PDE1C: variants seen among roughly 807,000 people sequenced by gnomAD.
PDE1C encodes phosphodiesterase 1C, also known as dual specificity calcium/calmodulin-dependent 3',5'-cyclic nucleotide phosphodiesterase 1C.
PDE1C carries 62 observed loss-of-function variants against 93.1 expected under a neutral mutation model. The observed-to-expected ratio is 0.67, with a 90% confidence interval of 0.54 to 0.82. The LOEUF (loss-of-function observed/expected upper bound fraction) is 0.82. Ranked by LOEUF, PDE1C falls within the 40% of genes least tolerant of loss-of-function variation. PDE1C has a pLI of 0.00. For missense variants in PDE1C, 742 were observed against 884.6 expected (o/e 0.84, Z 2.04); for synonymous variants, 325 against 310.1 (o/e 1.05, Z -0.50).
chr7:32,247,537 GTCC>G (rs1809055223), intron 1 of PDE1C, among the ~76,000 whole-genome samples: 1 of 152,224 alleles, frequency 6.6e-6, no homozygotes, highest in South Asian at 2.1e-4. Flanking sequence ...AGTAGAGACA[GTCC>G]CCAACTTATA....
the PDE1C span, chr7:31,651,853 G>C: frequency 1.1e-6 from 1 of 888,020 alleles, no homozygotes. Context: ...AATTGCAAAG[G>C]AAGAACCTAT....
At chr7:31,988,766 AC>A (rs1234894176) in intron 2 of PDE1C, among the ~76,000 whole-genome samples, 21 of 152,038 alleles carry the variant, frequency 1.4e-4, no homozygotes, top group Admixed American at 1.4e-3. Flanking sequence ...GGAGGGTGAG[AC>A]GGGCGGATCA....
chr7:32,157,719 T>C (rs147791462), intron 3 of PDE1C, among the ~76,000 whole-genome samples: 22 of 152,314 alleles, frequency 1.4e-4, no homozygotes, highest in African/African-American at 5.1e-4. Flanking sequence ...AAGGTCATGA[T>C]GTCTACAATT....
intron 1 of PDE1C, among the ~76,000 whole-genome samples, chr7:32,308,452 C>G (rs990580895): frequency 7.2e-5 from 11 of 152,356 alleles, no homozygotes; most frequent in Admixed American, 3.3e-4. Context: ...GGTCCTTGAC[C>G]CCTGAGCAGC....
rs538381100 is a variant in PDE1C at position 32,115,891 on chromosome 7, C to A, written c.308+53894G>T. Among the ~76,000 whole-genome samples, 4 of 152,216 alleles carry A rather than the reference C, an allele frequency of 2.6e-5. No individual in the cohort carries two copies. In the East Asian group the frequency reaches 5.8e-4, roughly 22 times the overall value. ...GAATTCTACCCCCAGTGAGACTTTG[C>A]CCAGGGGAAAGATGTGACTTGTCAG... On this transcript the variant is annotated intron_variant, in intron 3 of 18. Transcript: ENST00000396193.
At chr7:32,051,864 A>T (rs1793426398) in intron 1 of PDE1C, among the ~76,000 whole-genome samples, 1 of 152,132 alleles carries the variant, frequency 6.6e-6, no homozygotes, top group African/African-American at 2.4e-5. Context: ...ATGGCATTTT[A>T]GTTGAGGTCA....
At chr7:32,400,486 G>C (rs138647332) in intron 1 of PDE1C, among the ~76,000 whole-genome samples, 78 of 152,312 alleles carry the variant, frequency 5.1e-4, no homozygotes, top group African/African-American at 1.9e-3. Flanking sequence ...TGGCTGTTAA[G>C]AGTTACAATG....
chr7:32,011,014 A>C (rs942188283), intron 2 of PDE1C, among the ~76,000 whole-genome samples: 1 of 152,170 alleles, frequency 6.6e-6, no homozygotes, highest in Non-Finnish European at 1.5e-5. Context: ...TCCATACAAA[A>C]AAAGAAACTA....
At chr7:31,933,645 G>A (rs1427244895) in intron 2 of PDE1C, among the ~76,000 whole-genome samples, 1 of 152,132 alleles carries the variant, frequency 6.6e-6, no homozygotes, top group Non-Finnish European at 1.5e-5. Context: ...GGGACTGGTG[G>A]GAGGTGTTTG....
chr7:31,756,257 C>T (rs529659380), intron 17 of PDE1C, among the ~76,000 whole-genome samples: 1 of 152,206 alleles, frequency 6.6e-6, no homozygotes, highest in East Asian at 1.9e-4. Context: ...AAGGTTGACA[C>T]CAGTGGCATG....
At chr7:32,212,870 G>A (rs750940662) in intron 1 of PDE1C, among the ~76,000 whole-genome samples, 5 of 152,052 alleles carry the variant, frequency 3.3e-5, no homozygotes, top group Admixed American at 6.5e-5. Context: ...CAGAACCACC[G>A]AGCAGGTTTC....
intron 2 of PDE1C, among the ~76,000 whole-genome samples, chr7:32,032,529 G>A (rs1048645504): frequency 6.6e-6 from 1 of 152,166 alleles, no homozygotes. Context: ...TTCCCAAAAG[G>A]CACATGTAAA....
At chr7:31,772,605 G>A (rs530438009) in intron 17 of PDE1C, among the ~76,000 whole-genome samples, 84 of 151,664 alleles carry the variant, frequency 5.5e-4, no homozygotes, top group African/African-American at 1.8e-3. Context: ...CTACCTTGGC[G>A]TGTGTTTGAG....
the PDE1C span, among the ~76,000 whole-genome samples, chr7:31,637,199 G>A: frequency 1.3e-5 from 2 of 152,120 alleles, no homozygotes; most frequent in East Asian, 1.9e-4. Context: ...ATAAACATAC[G>A]TGTGCATGTG....
In PDE1C at chr7:32,046,217, A is replaced by ATTTT. The variant is rs1269938803; in HGVS notation, c.128+5336_128+5337insAAAA. ...TTGAGCCATTTGCCTTTTTTTTAAA[A>ATTTT]AAAAAAAAGAAAGCCTAAAAATCAG... On this transcript the variant is annotated intron_variant, in intron 2 of 17. Coordinates refer to ENST00000396191, the MANE Select transcript of PDE1C (RefSeq NM_001191057.4). 6.6e-3 allele frequency among the ~76,000 whole-genome samples: 998 copies of ATTTT among 151,888 alleles called. 17 individuals are homozygous for ATTTT. Among genetic ancestry groups the ATTTT allele is most frequent in the African/African-American group, 0.022 (920 of 41,318 alleles).
chr7:31,764,502 G>C (rs1420034414), intron 17 of PDE1C, among the ~76,000 whole-genome samples: 2 of 152,202 alleles, frequency 1.3e-5, no homozygotes, highest in Non-Finnish European at 2.9e-5. Context: ...GGAAATCCCA[G>C]TGGGAAGTAT....
intron 2 of PDE1C, among the ~76,000 whole-genome samples, chr7:31,924,283 T>C (rs1356242420): frequency 1.3e-5 from 2 of 152,212 alleles, no homozygotes; most frequent in Admixed American, 6.5e-5. Flanking sequence ...ACAATCAATA[T>C]TTGTTGACTT....
intron 2 of PDE1C, among the ~76,000 whole-genome samples, chr7:31,964,570 G>T (rs1428835293): frequency 6.6e-6 from 1 of 152,246 alleles, no homozygotes; most frequent in Non-Finnish European, 1.5e-5. Flanking sequence ...AACCTCTGCA[G>T]ACTTGAATGT....
chr7:32,002,042 G>C (rs1307927999), intron 2 of PDE1C, among the ~76,000 whole-genome samples: 1 of 152,162 alleles, frequency 6.6e-6, no homozygotes, highest in Non-Finnish European at 1.5e-5. Flanking sequence ...CTGGGTGACA[G>C]AGCAAGACTC....
Sources: allele counts gnomAD v4.1 joint callset (sites outside exome capture counted in the v4.1 genomes callset), GRCh38; gene constraint gnomAD v4.1.1; transcripts MANE v1.5; gene names NCBI Gene and HGNC (gene_info 2026-07-23, HGNC 2026-07-21).